GABBR2: variants seen among roughly 807,000 people sequenced by gnomAD.
The protein encoded by GABBR2 is G-protein coupled receptor 51.
Under a neutral mutation model 105.6 loss-of-function variants are expected in GABBR2, and 23 were observed. The observed-to-expected ratio is 0.22, with a 90% CI of 0.16 to 0.31. GABBR2 has a LOEUF of 0.31. Among genes scored for constraint, GABBR2 ranks in the 10% least tolerant of loss-of-function variants. The pLI is 1.00. For synonymous variants in GABBR2, 478 were observed against 499.7 expected (o/e 0.96, Z 0.58); for missense variants, 734 against 1,245.5 (o/e 0.59, Z 6.18).
intron 7 of GABBR2, among the ~76,000 whole-genome samples, chr9:98,438,367 A>G (rs1477057192): frequency 3.3e-5 from 5 of 152,080 alleles, no homozygotes; most frequent in Non-Finnish European, 7.4e-5. Context: ...CATACATTCA[A>G]CCAGCCTTCC....
At chr9:98,450,400 A>C (rs1826210869) in intron 7 of GABBR2, among the ~76,000 whole-genome samples, 1 of 152,108 alleles carries the variant, frequency 6.6e-6, no homozygotes, top group Non-Finnish European at 1.5e-5. Context: ...ATTTTAACGA[A>C]ACCTGTCTAC....
At chr9:98,687,226 C>T (rs1830630606) in intron 1 of GABBR2, among the ~76,000 whole-genome samples, 1 of 151,454 alleles carries the variant, frequency 6.6e-6, no homozygotes, top group South Asian at 2.1e-4. Context: ...TGGGGATTTA[C>T]AGCCAAGGGG....
chr9:98,506,947 G>A (rs1054854993), intron 3 of GABBR2, among the ~76,000 whole-genome samples: 3 of 152,128 alleles, frequency 2.0e-5, no homozygotes, highest in African/African-American at 7.2e-5. Flanking sequence ...GCTGTAGGCT[G>A]CTCCTCTCCC....
At chr9:98,429,232 C>G (rs1306758984) in intron 7 of GABBR2, among the ~76,000 whole-genome samples, 2 of 151,776 alleles carry the variant, frequency 1.3e-5, no homozygotes, top group East Asian at 1.9e-4. Flanking sequence ...CTCCACCTCC[C>G]GAGTTCAAGC....
At chr9:98,657,744 T>C (rs918680873) in intron 1 of GABBR2, among the ~76,000 whole-genome samples, 2 of 152,268 alleles carry the variant, frequency 1.3e-5, no homozygotes, top group Non-Finnish European at 2.9e-5. Context: ...TGGAGGTAAC[T>C]GGATCATGGG....
chr9:98,582,101 C>G (rs1588238159), intron 1 of GABBR2, among the ~76,000 whole-genome samples: 1 of 152,206 alleles, frequency 6.6e-6, no homozygotes, highest in Non-Finnish European at 1.5e-5. Flanking sequence ...TTGGAATTAC[C>G]TCCATGAATA....
At chr9:98,463,972 C>T (rs1431861750) in intron 6 of GABBR2, among the ~76,000 whole-genome samples, 1 of 152,192 alleles carries the variant, frequency 6.6e-6, no homozygotes, top group East Asian at 1.9e-4. Context: ...GTGGCGTGAT[C>T]TTGGCTCGCT....
intron 6 of GABBR2, among the ~76,000 whole-genome samples, chr9:98,465,841 A>G (rs1826538564): frequency 6.6e-6 from 1 of 152,222 alleles, no homozygotes. Flanking sequence ...AGAAAGACGA[A>G]TCTTCCCTGG....
chr9:98,607,547 AC>A (rs1829445970), intron 1 of GABBR2: 1 of 637,418 alleles, frequency 1.6e-6, no homozygotes, highest in Non-Finnish European at 2.8e-6. Context: ...AAGATAAAGG[AC>A]CATTTACCTG....
chr9:98,461,238 T>C (rs535828017), intron 6 of GABBR2, among the ~76,000 whole-genome samples: 2 of 152,188 alleles, frequency 1.3e-5, no homozygotes, highest in Non-Finnish European at 2.9e-5. Flanking sequence ...TGTTAGTAGA[T>C]CTAAATGAAA....
chr9:98,451,758 G>A (rs1000200351), intron 7 of GABBR2, among the ~76,000 whole-genome samples: 2 of 152,158 alleles, frequency 1.3e-5, no homozygotes, highest in Non-Finnish European at 2.9e-5. Flanking sequence ...CTCCAGAAAT[G>A]GACCCCAACT....
At chr9:98,544,730 A>G (rs1475265249) in intron 2 of GABBR2, among the ~76,000 whole-genome samples, 2 of 152,218 alleles carry the variant, frequency 1.3e-5, no homozygotes, top group Non-Finnish European at 2.9e-5. Flanking sequence ...AAGGATTTGC[A>G]TGGCCATGTA....
At chr9:98,426,574 C>T (rs369905619) in intron 7 of GABBR2, among the ~76,000 whole-genome samples, 4 of 152,216 alleles carry the variant, frequency 2.6e-5, no homozygotes, top group Non-Finnish European at 5.9e-5. Flanking sequence ...TGATTGAGAA[C>T]CCATTCTCCC....
intron 6 of GABBR2, among the ~76,000 whole-genome samples, chr9:98,456,378 C>T (rs576667754): frequency 2.0e-5 from 3 of 152,242 alleles, no homozygotes; most frequent in Admixed American, 2.0e-4. Flanking sequence ...TTGACCCACC[C>T]GTTGTAAAAG....
intron 13 of GABBR2, among the ~76,000 whole-genome samples, chr9:98,318,657 G>A (rs1830762689): frequency 6.6e-6 from 1 of 152,162 alleles, no homozygotes; most frequent in African/African-American, 2.4e-5. Flanking sequence ...CCACCACTGT[G>A]GGTGGAAAGG....
In GABBR2 at chr9:98,689,672, C is replaced by T. The variant is rs1830661725; in HGVS notation, c.321+18745G>A. On this transcript the variant is annotated intron_variant, in intron 1 of 18. Transcript: ENST00000259455. Reference sequence around the variant, plus strand: ...CGTCCTCTATCCCCGACGTCTCTGACCAGCTTTTCTTCAAAAGAGTCAAAA... The same window carrying T: ...CGTCCTCTATCCCCGACGTCTCTGATCAGCTTTTCTTCAAAAGAGTCAAAA... Among the ~76,000 whole-genome samples the T allele has an allele frequency of 2.0e-5, 3 of 152,196 alleles. No individual in the cohort carries two copies. In the South Asian group the frequency reaches 6.2e-4, roughly 32 times the overall value.
At chr9:98,384,393 C>T (rs1832034615) in intron 11 of GABBR2, among the ~76,000 whole-genome samples, 1 of 152,118 alleles carries the variant, frequency 6.6e-6, no homozygotes, top group African/African-American at 2.4e-5. Flanking sequence ...GAGTTCGAGA[C>T]CATCCTGACC....
chr9:98,432,309 G>C (rs1292122802), intron 7 of GABBR2, among the ~76,000 whole-genome samples: 1 of 152,230 alleles, frequency 6.6e-6, no homozygotes. Context: ...AGAGAAAAAG[G>C]GGTGGTGGTT....
chr9:98,627,789 G>A (rs1460431891), intron 1 of GABBR2, among the ~76,000 whole-genome samples: 2 of 152,214 alleles, frequency 1.3e-5, no homozygotes, highest in Non-Finnish European at 2.9e-5. Context: ...CAAATGAGCT[G>A]GAAGGGGCCC....
Sources: allele counts gnomAD v4.1 joint callset (sites outside exome capture counted in the v4.1 genomes callset), GRCh38; gene constraint gnomAD v4.1.1; transcripts MANE v1.5; gene names NCBI Gene and HGNC (gene_info 2026-07-23, HGNC 2026-07-21).